Variants in NPAS3 observed in about 807,000 individuals in gnomAD.
NPAS3 encodes the protein neuronal PAS domain-containing protein 3.
In NPAS3, 14 loss-of-function variants were observed where a neutral mutation model predicts 73.1. That is an observed-to-expected ratio of 0.19 (90% CI 0.13 to 0.30). NPAS3 has a LOEUF of 0.30. Among genes scored for constraint, NPAS3 ranks in the 10% least tolerant of loss-of-function variants. The pLI is 1.00. For synonymous variants in NPAS3, 620 were observed against 541.5 expected (o/e 1.14, Z -2.01); for missense variants, 1,096 against 1,250.0 (o/e 0.88, Z 1.86).
chr14:33,341,106 A>G (rs912444598), intron 3 of NPAS3, among the ~76,000 whole-genome samples: 1 of 152,220 alleles, frequency 6.6e-6, no homozygotes, highest in Non-Finnish European at 1.5e-5. Flanking sequence ...AATTGCATGC[A>G]TGTGTTACTT....
At chr14:33,114,512 G>T (rs1289270517) in intron 2 of NPAS3, among the ~76,000 whole-genome samples, 1 of 152,066 alleles carries the variant, frequency 6.6e-6, no homozygotes, top group Non-Finnish European at 1.5e-5. Flanking sequence ...GAGAGACTTG[G>T]GTATTTGACA....
intron 3 of NPAS3, among the ~76,000 whole-genome samples, chr14:33,306,294 C>T (rs774337042): frequency 6.6e-6 from 1 of 152,138 alleles, no homozygotes; most frequent in Non-Finnish European, 1.5e-5. Context: ...ACATTTTTCT[C>T]ATAAACTGAC....
At chr14:33,796,719 C>G (rs1026414878) in intron 10 of NPAS3, among the ~76,000 whole-genome samples, 8 of 152,178 alleles carry the variant, frequency 5.3e-5, no homozygotes, top group Admixed American at 3.3e-4. Context: ...AACATGCTCT[C>G]TCTTCCAAAA....
intron 4 of NPAS3, among the ~76,000 whole-genome samples, chr14:33,513,295 A>G (rs2053147763): frequency 6.6e-6 from 1 of 152,066 alleles, no homozygotes; most frequent in African/African-American, 2.4e-5. Flanking sequence ...TCTAGTGAAC[A>G]CTGTACACAT....
At chr14:33,475,173 A>T (rs2050964091) in intron 4 of NPAS3, among the ~76,000 whole-genome samples, 1 of 152,190 alleles carries the variant, frequency 6.6e-6, no homozygotes, top group Non-Finnish European at 1.5e-5. Context: ...CTAATGTGAT[A>T]AGCTCTGAAT....
At chr14:32,949,943 AGATTTTG>A (rs1273885184) in intron 1 of NPAS3, among the ~76,000 whole-genome samples, 2 of 151,980 alleles carry the variant, frequency 1.3e-5, no homozygotes, top group African/African-American at 4.8e-5. Flanking sequence ...TTCTTTGAAG[AGATTTTG>A]GAATTTTTGG....
chr14:33,541,109 G>GTT (rs980994469), intron 4 of NPAS3, among the ~76,000 whole-genome samples: 1 of 151,570 alleles, frequency 6.6e-6, no homozygotes, highest in African/African-American at 2.4e-5. Flanking sequence ...GTGTGTGTGT[G>GTT]TGTGTGTGTG....
At chr14:33,365,691 G>C (rs1482820878) in intron 3 of NPAS3, among the ~76,000 whole-genome samples, 1 of 152,084 alleles carries the variant, frequency 6.6e-6, no homozygotes, top group Non-Finnish European at 1.5e-5. Flanking sequence ...CAGTAATAAT[G>C]ATACTTAACA....
At chr14:33,295,692 T>C (rs1178103501) in intron 3 of NPAS3, among the ~76,000 whole-genome samples, 4 of 152,248 alleles carry the variant, frequency 2.6e-5, no homozygotes, top group Admixed American at 6.5e-5. Flanking sequence ...AGGATACTTA[T>C]GTAATGTATT....
At chr14:33,478,170 G>C (rs75702671) in intron 4 of NPAS3, among the ~76,000 whole-genome samples, 2 of 152,106 alleles carry the variant, frequency 1.3e-5, no homozygotes, top group East Asian at 3.8e-4. Context: ...GCAGTGTTAC[G>C]GTGAACTGGG....
At chr14:33,437,444 G>T (rs1198599488) in intron 4 of NPAS3, among the ~76,000 whole-genome samples, 3 of 152,110 alleles carry the variant, frequency 2.0e-5, no homozygotes, top group African/African-American at 7.2e-5. Context: ...GAAACCCTTG[G>T]TCCCTGAGCT....
chr14:33,149,070 G>A (rs914111114), intron 2 of NPAS3, among the ~76,000 whole-genome samples: 1 of 152,170 alleles, frequency 6.6e-6, no homozygotes, highest in Non-Finnish European at 1.5e-5. Flanking sequence ...GAGTACTGAT[G>A]TGTTAGTTCT....
rs145758042 is a variant in NPAS3 at position 33,191,381 on chromosome 14, A to AT, written c.141-23795dup. 2.9e-3 allele frequency among the ~76,000 whole-genome samples: 435 copies of AT among 152,288 alleles called. 20 individuals are homozygous for AT. In the East Asian group the frequency reaches 0.07, roughly 25 times the overall value. Reference sequence around the variant, plus strand: ...AATCTTATAATTTGAGCATTTAGTCATTTTTTATTATACAAATACAAGTAG... The same window carrying AT: ...AATCTTATAATTTGAGCATTTAGTCATTTTTTTATTATACAAATACAAGTAG... On this transcript the variant is annotated intron_variant, in intron 2 of 11. Transcript: ENST00000356141.
At chr14:33,343,297 T>G (rs1181897364) in intron 3 of NPAS3, among the ~76,000 whole-genome samples, 2 of 152,150 alleles carry the variant, frequency 1.3e-5, no homozygotes, top group African/African-American at 2.4e-5. Context: ...CCTGCTTTCT[T>G]TTTTTCTCAT....
intron 6 of NPAS3, among the ~76,000 whole-genome samples, chr14:33,684,983 G>A (rs1044343652): frequency 6.6e-6 from 1 of 152,212 alleles, no homozygotes; most frequent in Non-Finnish European, 1.5e-5. Flanking sequence ...TCTTCTATTA[G>A]TAGAAGAATT....
At chr14:33,230,355 C>G (rs373798410) in intron 3 of NPAS3, among the ~76,000 whole-genome samples, 65 of 152,278 alleles carry the variant, frequency 4.3e-4, no homozygotes, top group African/African-American at 1.5e-3. Context: ...CTGGCTATCC[C>G]AAATCTACAG....
chr14:33,784,658 C>G (rs2063085731), intron 9 of NPAS3, among the ~76,000 whole-genome samples: 1 of 151,758 alleles, frequency 6.6e-6, no homozygotes, highest in Admixed American at 6.6e-5. Flanking sequence ...AAAATTCTCA[C>G]ATGGATTCGC....
At chr14:33,522,225 G>C (rs73267049) in intron 4 of NPAS3, among the ~76,000 whole-genome samples, 2 of 152,138 alleles carry the variant, frequency 1.3e-5, no homozygotes, top group African/African-American at 4.8e-5. Flanking sequence ...CACGTGACAC[G>C]TGATATCATT....
intron 5 of NPAS3, among the ~76,000 whole-genome samples, chr14:33,621,246 A>G (rs73272943): frequency 0.053 from 8,019 of 152,284 alleles, 471 homozygotes; most frequent in African/African-American, 0.14. Flanking sequence ...CATGAAAGAA[A>G]TAAAACTTAA....
Sources: allele counts gnomAD v4.1 joint callset (sites outside exome capture counted in the v4.1 genomes callset), GRCh38; gene constraint gnomAD v4.1.1; transcripts MANE v1.5; gene names NCBI Gene and HGNC (gene_info 2026-07-23, HGNC 2026-07-21).